The following CTTNBP2 variants were observed in gnomAD, a reference collection of about 807,000 sequenced individuals.
The protein encoded by CTTNBP2 is cortactin binding protein 2, also known as cortactin-binding protein 2.
In CTTNBP2, 108 loss-of-function variants were observed where a neutral mutation model predicts 156.9. The observed-to-expected ratio is 0.69, with a 90% CI of 0.59 to 0.81. The LOEUF (loss-of-function observed/expected upper bound fraction) is 0.81, where lower values mean the gene tolerates loss of function less well. Among genes scored for constraint, CTTNBP2 ranks in the 30% least tolerant of loss-of-function variants. The pLI, the probability that CTTNBP2 is intolerant of heterozygous loss-of-function variation, is 0.00. For synonymous variants in CTTNBP2, 767 were observed against 751.8 expected, an observed-to-expected ratio of 1.02 and a Z score of -0.33; for missense variants, 1,924 against 2,035.4, an observed-to-expected ratio of 0.95 and a Z score of 1.05.
Position 117,835,631 on chromosome 7 carries a change from C to G in CTTNBP2, c.190-24642G>C, listed in dbSNP as rs149620055. 2.0e-3 allele frequency among the ~76,000 whole-genome samples: 305 copies of G among 152,284 alleles called. 2 individuals are homozygous for G. In the Middle Eastern group the frequency reaches 0.027, roughly 14 times the overall value. On this transcript the variant is annotated intron_variant, in intron 2 of 22. Coordinates refer to ENST00000160373, the MANE Select transcript of CTTNBP2 (RefSeq NM_033427.3). Reference sequence around the variant, plus strand: ...AAACCTATACTGGTTCAGGGGCTGTCCAATTTGAGAATCATTCTTTGCTCA... The same window carrying G: ...AAACCTATACTGGTTCAGGGGCTGTGCAATTTGAGAATCATTCTTTGCTCA...
chr7:117,731,799 C>T (rs111711598), intron 16 of CTTNBP2, among the ~76,000 whole-genome samples: 4 of 152,266 alleles, frequency 2.6e-5, no homozygotes, highest in South Asian at 2.1e-4. Context: ...GAGTTTGTTA[C>T]GTGTGCAGTG....
intron 2 of CTTNBP2, among the ~76,000 whole-genome samples, chr7:117,833,490 T>C (rs555778205): frequency 1.3e-5 from 2 of 152,258 alleles, no homozygotes; most frequent in Non-Finnish European, 2.9e-5. Context: ...GAGTTCACCA[T>C]GTGGTTTCAT....
At chr7:117,829,860 G>C (rs1175683552) in intron 2 of CTTNBP2, among the ~76,000 whole-genome samples, 2 of 152,196 alleles carry the variant, frequency 1.3e-5, no homozygotes, top group African/African-American at 4.8e-5. Context: ...ATTTAGAAGA[G>C]CCCTCTAAAA....
chr7:117,763,148 T>A (rs938557064), intron 9 of CTTNBP2, among the ~76,000 whole-genome samples: 1 of 152,234 alleles, frequency 6.6e-6, no homozygotes, highest in Non-Finnish European at 1.5e-5. Context: ...TTATTGTTCA[T>A]TTTATCTCTT....
intron 2 of CTTNBP2, among the ~76,000 whole-genome samples, chr7:117,829,142 C>A (rs2117066676): frequency 6.6e-6 from 1 of 152,350 alleles, no homozygotes; most frequent in African/African-American, 2.4e-5. Context: ...GGCCTCAGAG[C>A]ATATGACACC....
chr7:117,773,823 C>T (rs534163095), intron 8 of CTTNBP2, among the ~76,000 whole-genome samples: 29 of 152,110 alleles, frequency 1.9e-4, no homozygotes, highest in African/African-American at 2.2e-4. Context: ...TGCATTAAAT[C>T]GTCAACTTGT....
intron 18 of CTTNBP2, 83 bp from the exon 19 acceptor site, chr7:117,724,815 C>A: frequency 6.8e-7 from 1 of 1,474,362 alleles, no homozygotes; most frequent in Non-Finnish European, 9.3e-7. Context: ...AAGATACGGA[C>A]TGTTCAAAAT....
At chr7:117,714,762 G>A (rs980393045) in intron 22 of CTTNBP2, among the ~76,000 whole-genome samples, 10 of 152,150 alleles carry the variant, frequency 6.6e-5, no homozygotes, top group Non-Finnish European at 8.8e-5. Flanking sequence ...TGGGCTTAGC[G>A]TGAGCCACAG....
intron 14 of CTTNBP2, among the ~76,000 whole-genome samples, chr7:117,736,336 T>C (rs566886848): frequency 6.6e-4 from 100 of 152,166 alleles, no homozygotes; most frequent in African/African-American, 2.2e-3. Context: ...GGCACCTGTA[T>C]TCTCAGCTAC....
chr7:117,837,935 G>A (rs78962191), intron 2 of CTTNBP2, among the ~76,000 whole-genome samples: 1 of 152,148 alleles, frequency 6.6e-6, no homozygotes. Context: ...ATCTGCATTT[G>A]TGGCCTCACT....
Position 117,721,097 on chromosome 7 carries a change from C to A in CTTNBP2, c.4481G>T (p.Cys1494Phe), listed in dbSNP as rs766581514. ...TTTTGACAGAGAAGCATTCCTGTTACAATTCAGCTGTGATATAGTCTTATT... is the reference window on the plus strand; with the variant it reads ...TTTTGACAGAGAAGCATTCCTGTTAAAATTCAGCTGTGATATAGTCTTATT... Reference protein sequence around the residue: ...MKNKTISQLNCNRNASLSKQK... With the variant: ...MKNKTISQLNFNRNASLSKQK... Residue 1494 changes from cysteine (C) to phenylalanine (F), a missense_variant, in exon 20 of 23, where the codon TGT becomes TTT. Transcript: ENST00000160373. 1 of 1,606,682 alleles carries A rather than the reference C, an allele frequency of 6.2e-7. No homozygotes were observed. The highest frequency in any genetic ancestry group is 8.5e-7 in the Non-Finnish European group (1 of 1,173,298).
At chr7:117,824,304 T>G (rs1270260273) in intron 2 of CTTNBP2, among the ~76,000 whole-genome samples, 2 of 152,220 alleles carry the variant, frequency 1.3e-5, no homozygotes, top group African/African-American at 4.8e-5. Flanking sequence ...AAAAATTATG[T>G]GAAATCTTGG....
chr7:117,740,828 G>A (rs1396747816), intron 14 of CTTNBP2, among the ~76,000 whole-genome samples: 5 of 152,102 alleles, frequency 3.3e-5, no homozygotes, highest in Non-Finnish European at 7.4e-5. Context: ...GAGTTCCCCT[G>A]CACTGCTCTG....
At chr7:117,797,962 A>T (rs2116897281) in intron 3 of CTTNBP2, among the ~76,000 whole-genome samples, 1 of 152,300 alleles carries the variant, frequency 6.6e-6, no homozygotes, top group South Asian at 2.1e-4. Flanking sequence ...AAGCTCAGCA[A>T]TTTCAAAGCA....
At chr7:117,834,616 T>G (rs1029298568) in intron 2 of CTTNBP2, among the ~76,000 whole-genome samples, 41 of 152,336 alleles carry the variant, frequency 2.7e-4, no homozygotes, top group African/African-American at 9.4e-4. Flanking sequence ...TTGTTAGAAT[T>G]CTAGTAAATA....
intron 22 of CTTNBP2, among the ~76,000 whole-genome samples, chr7:117,714,740 T>C (rs1794247095): frequency 6.6e-6 from 1 of 152,234 alleles, no homozygotes; most frequent in African/African-American, 2.4e-5. Flanking sequence ...GATGAGAACA[T>C]GGAGAATCAC....
At chr7:117,757,228 AAGT>A (rs2116628223) in intron 11 of CTTNBP2, among the ~76,000 whole-genome samples, 1 of 152,264 alleles carries the variant, frequency 6.6e-6, no homozygotes, top group Admixed American at 6.5e-5. Context: ...CTCCATTCCC[AAGT>A]ATGGGAAATA....
At chr7:117,734,743 G>A (rs1172315154) in intron 16 of CTTNBP2, among the ~76,000 whole-genome samples, 170 bp downstream of exon 16, 1 of 152,220 alleles carries the variant, frequency 6.6e-6, no homozygotes, top group Non-Finnish European at 1.5e-5. Context: ...TTAATGTAGT[G>A]CAGAAATTGT....
At chr7:117,817,604 T>C (rs554727016) in intron 2 of CTTNBP2, among the ~76,000 whole-genome samples, 1 of 151,590 alleles carries the variant, frequency 6.6e-6, no homozygotes, top group African/African-American at 2.4e-5. Flanking sequence ...TGTAATCCTC[T>C]GAGAAACAGA....
Sources: gnomAD v4.1 joint callset for allele counts (sites outside exome capture counted in the v4.1 genomes callset) on GRCh38, gnomAD v4.1.1 for gene constraint, MANE v1.5 for transcripts, NCBI Gene and HGNC (gene_info 2026-07-23, HGNC 2026-07-21) for gene names.